The following MTDH variants were observed in gnomAD, a reference collection of about 807,000 sequenced individuals.
MTDH encodes metadherin.
In MTDH, 34 loss-of-function variants were observed where a neutral mutation model predicts 72.7. That is an observed-to-expected ratio of 0.47 (90% CI 0.36 to 0.62). The LOEUF is 0.62. Among genes scored for constraint, MTDH ranks in the 20% least tolerant of loss-of-function variants. The probability of loss-of-function intolerance (pLI) is 0.00; values close to 1 mark genes in which losing one functional copy is unlikely to be tolerated. For missense variants in MTDH, 677 were observed against 699.4 expected (o/e 0.97, Z 0.36); for synonymous variants, 266 against 268.9 (o/e 0.99, Z 0.10).
Position 97,701,919 on chromosome 8 carries a change from G to A in MTDH, c.1147+2067G>A, listed in dbSNP as rs147616888. On this transcript the variant is annotated intron_variant, in intron 7 of 11. Coordinates refer to ENST00000336273, the MANE Select transcript of MTDH (RefSeq NM_178812.4). The stretch of plus-strand genomic sequence containing the variant: ...GTATCAGAAACACCATCTTCCTCAA[G>A]TTTGTTATGCTGTATTGGCAGTCTT... Among the ~76,000 whole-genome samples the A allele has an allele frequency of 3.2e-4, 49 of 152,272 alleles. 1 individual carries two copies. Among genetic ancestry groups the A allele is most frequent in the Middle Eastern group, 6.8e-3 (2 of 294 alleles).
chr8:97,664,699 TTTTCTTTC>T (rs138319339), intron 2 of MTDH, among the ~76,000 whole-genome samples: 1 of 152,038 alleles, frequency 6.6e-6, no homozygotes, highest in Admixed American at 6.6e-5. Context: ...TTTAGACTTA[TTTTCTTTC>T]TTTCTTTCTT....
chr8:97,691,740 C>A (rs1813616294), intron 6 of MTDH, among the ~76,000 whole-genome samples: 1 of 151,870 alleles, frequency 6.6e-6, no homozygotes, highest in South Asian at 2.1e-4. Context: ...AAAAGAAATC[C>A]ACATTACATG....
chr8:97,716,547 A>T (rs913694264), intron 9 of MTDH, among the ~76,000 whole-genome samples: 4 of 151,700 alleles, frequency 2.6e-5, no homozygotes, highest in Non-Finnish European at 5.9e-5. Flanking sequence ...AATTAGCCGC[A>T]CGTGGTAGCT....
chr8:97,678,620 A>ATTTTTTT (rs1812950937), intron 2 of MTDH, among the ~76,000 whole-genome samples: 1 of 34,070 alleles, frequency 2.9e-5, no homozygotes, highest in African/African-American at 1.7e-4. Flanking sequence ...TTTTTTTTTG[A>ATTTTTTT]GAGAGAGACA....
chr8:97,673,292 G>C (rs1197671827), intron 2 of MTDH, among the ~76,000 whole-genome samples: 1 of 151,818 alleles, frequency 6.6e-6, no homozygotes, highest in Non-Finnish European at 1.5e-5. Flanking sequence ...AGGCCAAGAA[G>C]GGAGAATCTC....
rs538325680 is a variant in MTDH at position 97,682,402 on chromosome 8, G to A, written c.484-4266G>A. Among the ~76,000 whole-genome samples the A allele has an allele frequency of 1.6e-3, 226 of 138,512 alleles. 2 individuals are homozygous for A. The highest frequency in any genetic ancestry group is 4.2e-3 in the Middle Eastern group (1 of 240). The allele number at this position is 138,512 out of a possible 152,430, so 90.9% of individuals were successfully genotyped here. ...CAACCTCCGCCTCCCAGGTTCAAGCGATTCTCCTGCCTCAGCCTCCCGAGT... is the reference window on the plus strand; with the variant it reads ...CAACCTCCGCCTCCCAGGTTCAAGCAATTCTCCTGCCTCAGCCTCCCGAGT... On this transcript the variant is annotated intron_variant, in intron 2 of 11. Transcript: ENST00000336273.
chr8:97,654,041 A>G (rs1333917496), intron 1 of MTDH, among the ~76,000 whole-genome samples: 2 of 152,192 alleles, frequency 1.3e-5, no homozygotes, highest in Non-Finnish European at 1.5e-5. Context: ...TCCCCATCTC[A>G]TAAAGGTAAC....
At chr8:97,666,106 C>T (rs569166753) in intron 2 of MTDH, among the ~76,000 whole-genome samples, 99 of 141,184 alleles carry the variant, frequency 7.0e-4, no homozygotes, top group Non-Finnish European at 1.2e-3. Context: ...CCAGCATGGG[C>T]GACAGAGCGA....
chr8:97,699,131 T>C (rs1405198336), intron 6 of MTDH, among the ~76,000 whole-genome samples: 1 of 151,914 alleles, frequency 6.6e-6, no homozygotes, highest in Admixed American at 6.6e-5. Flanking sequence ...CTACAAAAAA[T>C]ACAAAAATTA....
chr8:97,680,301 G>A (rs1165453867), intron 2 of MTDH, among the ~76,000 whole-genome samples: 5 of 152,014 alleles, frequency 3.3e-5, no homozygotes, highest in Admixed American at 2.6e-4. Context: ...CAAACTCCTG[G>A]CCTCAATCGG....
At chr8:97,686,515 GATT>G (rs989942886) in intron 2 of MTDH, among the ~76,000 whole-genome samples, 150 bp from the exon 3 acceptor site, 3 of 152,088 alleles carry the variant, frequency 2.0e-5, no homozygotes, top group African/African-American at 7.2e-5. Flanking sequence ...AACCTCATAT[GATT>G]ATTTTTGCCA....
chr8:97,702,073 A>T lies in MTDH; in HGVS notation c.1147+2221A>T, dbSNP rs1406609516. Reference sequence around the variant, plus strand: ...TACTTCTGAATTTCTAAAATGAATGATTTAGTATTTTAGATTACAAATCCA... The same window carrying T: ...TACTTCTGAATTTCTAAAATGAATGTTTTAGTATTTTAGATTACAAATCCA... On this transcript the variant is annotated intron_variant, in intron 7 of 11. Transcript: ENST00000336273. Among the ~76,000 whole-genome samples, 4 of 152,300 alleles carry T rather than the reference A, an allele frequency of 2.6e-5. No individual in the cohort carries two copies. In the East Asian group the frequency reaches 7.7e-4, roughly 29 times the overall value.
At chr8:97,676,363 GT>G (rs1203400528) in intron 2 of MTDH, among the ~76,000 whole-genome samples, 1 of 152,190 alleles carries the variant, frequency 6.6e-6, no homozygotes, top group Admixed American at 6.5e-5. Flanking sequence ...CCTTGTGATA[GT>G]TTTGATACTA....
intron 2 of MTDH, among the ~76,000 whole-genome samples, chr8:97,676,703 T>C (rs1812860211): frequency 6.6e-6 from 1 of 151,870 alleles, no homozygotes; most frequent in Non-Finnish European, 1.5e-5. Flanking sequence ...ACCTTGTCTC[T>C]ACAAAAAATA....
intron 8 of MTDH, among the ~76,000 whole-genome samples, chr8:97,707,529 A>G (rs1387041374): frequency 1.4e-5 from 2 of 147,720 alleles, no homozygotes; most frequent in African/African-American, 5.2e-5. Context: ...CAGCCTCTCA[A>G]AGTGCTGGGA....
chr8:97,670,503 A>G (rs1323033066), intron 2 of MTDH, among the ~76,000 whole-genome samples: 1 of 152,142 alleles, frequency 6.6e-6, no homozygotes, highest in Admixed American at 6.5e-5. Flanking sequence ...GTGCCCGTAT[A>G]ATCCCAGCCA....
intron 2 of MTDH, among the ~76,000 whole-genome samples, chr8:97,677,791 A>G (rs1812915925): frequency 1.3e-5 from 2 of 152,304 alleles, no homozygotes; most frequent in South Asian, 4.1e-4. Context: ...AAAAACTGGC[A>G]TTTCTAGTTT....
chr8:97,693,224 G>T (rs976440420), intron 6 of MTDH, among the ~76,000 whole-genome samples: 2 of 151,136 alleles, frequency 1.3e-5, no homozygotes, highest in African/African-American at 2.4e-5. Context: ...TTTTTTTTCC[G>T]CCTTTTCTAA....
chr8:97,691,281 A>G, intron 6 of MTDH, 93 bp downstream of exon 6: 1 of 877,358 alleles, frequency 1.1e-6, no homozygotes, highest in Non-Finnish European at 1.7e-6. Flanking sequence ...CTATGAATAG[A>G]AAAATAAGTA....
Sources: gnomAD v4.1 joint callset for allele counts (sites outside exome capture counted in the v4.1 genomes callset) on GRCh38, gnomAD v4.1.1 for gene constraint, MANE v1.5 for transcripts, NCBI Gene and HGNC (gene_info 2026-07-23, HGNC 2026-07-21) for gene names.